The following LRBA variants were observed in gnomAD, a reference collection of about 807,000 sequenced individuals.
LRBA encodes the protein LPS responsive beige-like anchor protein.
In LRBA, 176 loss-of-function variants were observed where a neutral mutation model predicts 330.0. The ratio of observed to expected loss-of-function variants is 0.53; its 90% confidence interval spans 0.47 to 0.60. LRBA has a LOEUF of 0.60. Among genes scored for constraint, LRBA ranks in the 20% least tolerant of loss-of-function variants. The pLI, the probability that LRBA is intolerant of heterozygous loss-of-function variation, is 0.00. For missense variants in LRBA, 3,259 were observed against 3,444.8 expected (o/e 0.95, Z 1.35); for synonymous variants, 1,230 against 1,193.0 (o/e 1.03, Z -0.64).
chr4:150,754,746 T>G (rs1410067905), intron 35 of LRBA, among the ~76,000 whole-genome samples: 1 of 151,892 alleles, frequency 6.6e-6, no homozygotes, highest in African/African-American at 2.4e-5. Context: ...ACTTATCTCT[T>G]AAAAGAAAAA....
At chr4:150,346,148 A>G (rs1448449221) in intron 48 of LRBA, among the ~76,000 whole-genome samples, 1 of 152,158 alleles carries the variant, frequency 6.6e-6, no homozygotes, top group African/African-American at 2.4e-5. Context: ...TATAAATTAA[A>G]TGTGTGTATT....
At chr4:150,638,417 T>G (rs578003580) in intron 37 of LRBA, among the ~76,000 whole-genome samples, 68 of 152,246 alleles carry the variant, frequency 4.5e-4, no homozygotes, top group Non-Finnish European at 7.8e-4. Context: ...CCTGGTATTT[T>G]ATTCTTTTTG....
At chr4:150,282,414 A>G in intron 55 of LRBA, 36 bp downstream of exon 55, 1 of 1,578,486 alleles carries the variant, frequency 6.3e-7, no homozygotes, top group South Asian at 1.1e-5. Context: ...GTTGAGGTAA[A>G]AGTCGTGAAT....
At chr4:150,712,272 A>AG (rs1213472544) in intron 36 of LRBA, among the ~76,000 whole-genome samples, 2 of 152,238 alleles carry the variant, frequency 1.3e-5, no homozygotes, top group Admixed American at 1.3e-4. Flanking sequence ...AATAAATCAT[A>AG]GCTACTATTA....
intron 37 of LRBA, among the ~76,000 whole-genome samples, chr4:150,649,971 C>T (rs888614755): frequency 1.3e-5 from 2 of 151,972 alleles, no homozygotes; most frequent in African/African-American, 4.8e-5. Flanking sequence ...TAAGAGGTTG[C>T]GTTCAAATCT....
At chr4:150,427,880 T>C (rs963185747) in intron 46 of LRBA, among the ~76,000 whole-genome samples, 2 of 151,992 alleles carry the variant, frequency 1.3e-5, no homozygotes, top group Non-Finnish European at 2.9e-5. Context: ...GTTGATGATA[T>C]CAGCATCCAT....
chr4:150,981,178 C>A (rs981339250), intron 2 of LRBA, among the ~76,000 whole-genome samples: 1 of 151,554 alleles, frequency 6.6e-6, no homozygotes, highest in Non-Finnish European at 1.5e-5. Flanking sequence ...CTTTGGGAGG[C>A]CGCGGTGGGC....
chr4:150,423,840 C>G (rs1259712757), intron 46 of LRBA, among the ~76,000 whole-genome samples: 1 of 152,026 alleles, frequency 6.6e-6, no homozygotes, highest in Admixed American at 6.6e-5. Context: ...ATGAGTCCCC[C>G]CCACCGCCCG....
In LRBA at chr4:150,897,692, T is replaced by C. The variant is rs376178820; in HGVS notation, c.2004+47A>G. The stretch of plus-strand genomic sequence containing the variant: ...CAAGATTGTATTTCATGTGAAATTA[T>C]AACCTTCAATACACGGTATGCTATG... On this transcript the variant is annotated intron_variant, in intron 15 of 56. Transcript: ENST00000651943. 2,471 of 1,293,136 alleles carry C rather than the reference T, an allele frequency of 1.9e-3. 50 individuals carry two copies. The South Asian group carries it at 0.029, about 15-fold the overall frequency. 80.1% of individuals were successfully genotyped at this position (1,293,136 alleles called of 1,614,324 possible).
intron 47 of LRBA, among the ~76,000 whole-genome samples, chr4:150,371,603 C>A (rs1740336658): frequency 6.6e-6 from 1 of 152,060 alleles, no homozygotes; most frequent in African/African-American, 2.4e-5. Flanking sequence ...GGAGGAACTC[C>A]AGTCTAATGG....
intron 37 of LRBA, among the ~76,000 whole-genome samples, chr4:150,658,256 C>T (rs1780414170): frequency 6.6e-6 from 1 of 151,284 alleles, no homozygotes; most frequent in Non-Finnish European, 1.5e-5. Flanking sequence ...AAGAGTAATA[C>T]TTTCTTAAAA....
At chr4:150,816,164 G>A (rs1190495065) in intron 31 of LRBA, among the ~76,000 whole-genome samples, 1 of 151,832 alleles carries the variant, frequency 6.6e-6, no homozygotes, top group Non-Finnish European at 1.5e-5. Context: ...AGAATAGAAG[G>A]CAAACCCTGG....
chr4:150,401,776 C>A (rs1478459790), intron 47 of LRBA, among the ~76,000 whole-genome samples: 1 of 151,976 alleles, frequency 6.6e-6, no homozygotes. Context: ...GAGGTACACA[C>A]TGAAATATTT....
intron 36 of LRBA, among the ~76,000 whole-genome samples, chr4:150,734,551 G>A (rs902444546): frequency 2.6e-5 from 4 of 152,134 alleles, no homozygotes; most frequent in Admixed American, 1.3e-4. Context: ...AAGCCATACA[G>A]TGCTTTTAAA....
chr4:150,640,290 T>C (rs1317241821), intron 37 of LRBA, among the ~76,000 whole-genome samples: 2 of 152,186 alleles, frequency 1.3e-5, no homozygotes, highest in Non-Finnish European at 2.9e-5. Flanking sequence ...ACACATCCCT[T>C]GTAGCAGGAC....
intron 48 of LRBA, among the ~76,000 whole-genome samples, chr4:150,330,615 A>G (rs900611139): frequency 6.6e-6 from 1 of 152,084 alleles, no homozygotes; most frequent in East Asian, 1.9e-4. Flanking sequence ...GCAGTTCACA[A>G]TAGGGTTTGC....
intron 28 of LRBA, among the ~76,000 whole-genome samples, chr4:150,837,154 G>A (rs931392936): frequency 6.6e-6 from 1 of 152,230 alleles, no homozygotes; most frequent in Admixed American, 6.5e-5. Context: ...ACTGTGGTCG[G>A]AGAGATGGTT....
In LRBA at chr4:150,489,668, AAT is replaced by A. The variant is rs1387144862; in HGVS notation, c.6448+1248_6448+1249del. 3.9e-5 allele frequency among the ~76,000 whole-genome samples: 5 copies of A among 126,634 alleles called. No individual in the cohort carries two copies. The East Asian group carries it at 8.6e-4, about 22-fold the overall frequency. 83.1% of individuals were successfully genotyped at this position (126,634 alleles called of 152,430 possible). On this transcript the variant is annotated intron_variant, in intron 41 of 56. Transcript: ENST00000651943. The stretch of plus-strand genomic sequence containing the variant: ...TATAATATATAATATTATATATAAG[AAT>A]ATATATTATATATAAGAATATATTA...
chr4:150,603,619 C>T lies in LRBA; in HGVS notation c.5922-4488G>A, dbSNP rs141073023. Among the ~76,000 whole-genome samples the T allele has an allele frequency of 8.1e-3, 1,239 of 152,182 alleles. 22 individuals are homozygous for T. Among genetic ancestry groups the T allele is most frequent in the African/African-American group, 0.028 (1,179 of 41,502 alleles). On this transcript the variant is annotated intron_variant, in intron 37 of 56. Coordinates refer to ENST00000651943, the MANE Select transcript of LRBA (RefSeq NM_001364905.1). Reference sequence around the variant, plus strand: ...AAAGATTCTCCTGCCTCATCCTCCCCAGTAACTGAGACATCCTCCCCAGTA... The same window carrying T: ...AAAGATTCTCCTGCCTCATCCTCCCTAGTAACTGAGACATCCTCCCCAGTA...
Sources: gnomAD v4.1 joint callset for allele counts (sites outside exome capture counted in the v4.1 genomes callset) on GRCh38, gnomAD v4.1.1 for gene constraint, MANE v1.5 for transcripts, NCBI Gene and HGNC (gene_info 2026-07-23, HGNC 2026-07-21) for gene names.